PLEKHA7: variants seen among roughly 807,000 people sequenced by gnomAD.
PLEKHA7 encodes the protein pleckstrin homology domain containing A7, also known as pleckstrin homology domain-containing family A member 7.
Under a neutral mutation model 170.0 loss-of-function variants are expected in PLEKHA7, and 104 were observed. The ratio of observed to expected loss-of-function variants is 0.61; its 90% confidence interval spans 0.52 to 0.72. PLEKHA7 has a LOEUF of 0.72. PLEKHA7 is among the 30% of genes least tolerant of loss of function. The probability of loss-of-function intolerance (pLI) is 0.00; values close to 1 mark genes in which losing one functional copy is unlikely to be tolerated. For synonymous variants in PLEKHA7, 648 were observed against 660.8 expected (o/e 0.98, Z 0.30); for missense variants, 1,615 against 1,671.7 (o/e 0.97, Z 0.59).
chr11:16,805,746 C>T (rs905451574), intron 13 of PLEKHA7, among the ~76,000 whole-genome samples: 24 of 147,128 alleles, frequency 1.6e-4, no homozygotes, highest in African/African-American at 5.4e-4. Context: ...GTTGAGATTG[C>T]GCCACTGCAC....
At chr11:16,868,889 A>G (rs985872751) in intron 4 of PLEKHA7, among the ~76,000 whole-genome samples, 1 of 152,200 alleles carries the variant, frequency 6.6e-6, no homozygotes, top group Non-Finnish European at 1.5e-5. Context: ...TAAGAATGAG[A>G]GCAAAAGGAA....
chr11:16,829,377 G>A (rs1405840569), intron 9 of PLEKHA7, among the ~76,000 whole-genome samples: 1 of 152,080 alleles, frequency 6.6e-6, no homozygotes, highest in Non-Finnish European at 1.5e-5. Context: ...AAGGGGTCCT[G>A]CCTATTAATC....
chr11:16,852,442 A>G, intron 6 of PLEKHA7, 87 bp from the exon 7 acceptor site: 1 of 1,036,550 alleles, frequency 9.6e-7, no homozygotes, highest in East Asian at 2.5e-5. Context: ...CCAGAACCAA[A>G]TATTTGCCCA....
At position 16,789,313 on chromosome 11, in the gene PLEKHA7, A is replaced by G; in HGVS notation, c.3157-17T>C. 6.2e-7 allele frequency: 1 copy of G among 1,611,270 alleles called. No individual in the cohort carries two copies. The highest frequency in any genetic ancestry group is 8.5e-7 in the Non-Finnish European group (1 of 1,179,410). ...CTTAGGTCTCTGAGGAAGAGGAGGC[A>G]GGCAAGAGAGACACAGAACAGCTGG... On this transcript the variant is annotated splice_polypyrimidine_tract_variant and intron_variant, in intron 22 of 26. Coordinates refer to ENST00000531066, the MANE Select transcript of PLEKHA7 (RefSeq NM_001329630.2). The surrounding 1 kb of genome is among the most constrained non-coding windows in gnomAD (Gnocchi z 4.6).
intron 4 of PLEKHA7, among the ~76,000 whole-genome samples, chr11:16,859,236 C>A (rs562606640): frequency 6.6e-6 from 1 of 152,322 alleles, no homozygotes; most frequent in Admixed American, 6.5e-5. Context: ...CACACAGCTA[C>A]CCACTTGTCC....
intron 3 of PLEKHA7, among the ~76,000 whole-genome samples, chr11:16,893,789 G>C (rs1856828468): frequency 1.3e-5 from 2 of 152,166 alleles, no homozygotes; most frequent in Non-Finnish European, 2.9e-5. Flanking sequence ...CAGATCTGAG[G>C]GCCAGCAGTG....
At chr11:16,946,777 C>T (rs1342462932) in intron 3 of PLEKHA7, among the ~76,000 whole-genome samples, 1 of 152,112 alleles carries the variant, frequency 6.6e-6, no homozygotes, top group Non-Finnish European at 1.5e-5. Flanking sequence ...CTGTTAGACT[C>T]GGGCTCCAGC....
chr11:16,968,539 C>T (rs1309186123), intron 3 of PLEKHA7, among the ~76,000 whole-genome samples: 3 of 152,186 alleles, frequency 2.0e-5, no homozygotes, highest in Non-Finnish European at 2.9e-5. Context: ...GTGGTTCACC[C>T]CATGCCACAT....
intron 3 of PLEKHA7, among the ~76,000 whole-genome samples, chr11:16,979,357 C>T (rs926862362): frequency 1.3e-5 from 2 of 152,126 alleles, no homozygotes; most frequent in Non-Finnish European, 2.9e-5. Context: ...TCGAGTGCCT[C>T]AAGTCATTCC....
Position 16,848,891 on chromosome 11 carries a change from G to C in PLEKHA7, c.696+2300C>G, listed in dbSNP as rs185002931. 2.5e-3 allele frequency among the ~76,000 whole-genome samples: 382 copies of C among 152,274 alleles called. 1 individual carries two copies. The highest frequency in any genetic ancestry group is 3.9e-3 in the Non-Finnish European group (263 of 68,012). On this transcript the variant is annotated intron_variant, in intron 8 of 26. Transcript: ENST00000531066. ...ACCAACATCAAAGACAGGTGTCAAG[G>C]CCAATCACAAAACACTGTGTATTCC...
chr11:16,944,511 CA>C lies in PLEKHA7; in HGVS notation c.221+69477del, dbSNP rs1425866287. Among the ~76,000 whole-genome samples, 319 of 62,026 alleles carry C rather than the reference CA, an allele frequency of 5.1e-3. 1 individual carries two copies. The highest frequency in any genetic ancestry group is 0.014 in the South Asian group (24 of 1,752). The allele number at this position is 62,026 out of a possible 152,430, so 40.7% of individuals were successfully genotyped here. ...TGGGTAACAGTGTGAAACCCTGTCT[CA>C]AAAAAAAAAAAAAATTAAAGTTCTT... On this transcript the variant is annotated intron_variant, in intron 3 of 26. Coordinates refer to ENST00000531066, the MANE Select transcript of PLEKHA7 (RefSeq NM_001329630.2).
chr11:16,962,339 C>T (rs1862113507), intron 3 of PLEKHA7, among the ~76,000 whole-genome samples: 1 of 152,310 alleles, frequency 6.6e-6, no homozygotes, highest in East Asian at 1.9e-4. Context: ...TCTTGGCGAC[C>T]AGTCAATGAG....
intron 3 of PLEKHA7, among the ~76,000 whole-genome samples, chr11:16,946,739 T>C (rs1451717132): frequency 2.0e-5 from 3 of 152,092 alleles, no homozygotes; most frequent in African/African-American, 7.2e-5. Context: ...CAACTTGCTG[T>C]GGGTCTTAAT....
At position 16,991,689 on chromosome 11, in the gene PLEKHA7, G is replaced by A. The variant is rs573539309; in HGVS notation, c.221+22300C>T. ...GGGGTTGGAGAGGGGACAAGATGAC[G>A]TGGGCCTCATGGGCCACGAAGGATT... is the stretch of plus-strand genomic sequence containing the variant. On this transcript the variant is annotated intron_variant, in intron 3 of 26. Coordinates refer to ENST00000531066, the MANE Select transcript of PLEKHA7 (RefSeq NM_001329630.2). 7.2e-5 allele frequency among the ~76,000 whole-genome samples: 11 copies of A among 152,316 alleles called. No homozygotes were observed. In the South Asian group the frequency reaches 1.5e-3, roughly 20 times the overall value.
intron 3 of PLEKHA7, among the ~76,000 whole-genome samples, chr11:16,985,139 G>A (rs551355582): frequency 6.6e-6 from 1 of 152,366 alleles, no homozygotes; most frequent in African/African-American, 2.4e-5. Context: ...CCTTGAGGCA[G>A]ATGCCTCTGC....
chr11:16,825,132 C>G (rs543742867), intron 10 of PLEKHA7, among the ~76,000 whole-genome samples: 63 of 152,376 alleles, frequency 4.1e-4, no homozygotes, highest in African/African-American at 1.5e-3. Context: ...ACTCTCACAA[C>G]TGCCCAGCTG....
intron 3 of PLEKHA7, among the ~76,000 whole-genome samples, chr11:16,906,237 A>T (rs1857660528): frequency 1.5e-5 from 1 of 65,370 alleles, no homozygotes; most frequent in Non-Finnish European, 3.9e-5. Context: ...GAAGGAAGGA[A>T]GGAAGGAAGG....
intron 3 of PLEKHA7, among the ~76,000 whole-genome samples, chr11:16,936,157 C>G (rs1011993198): frequency 6.6e-6 from 1 of 151,812 alleles, no homozygotes; most frequent in African/African-American, 2.4e-5. Context: ...ATCCCAGCAC[C>G]TTGGGAGGCC....
Position 16,801,062 on chromosome 11 carries a change from G to A in PLEKHA7, c.2321C>T (p.Ala774Val). Residue 774 changes from alanine (A) to valine (V), a missense_variant, in exon 17 of 27, where the codon GCT becomes GTT. Transcript: ENST00000531066. ...CTCCAACTTCAGGTATTCGTTCCAA[G>A]CATTTTCCATCTCCTGTTGGCCAAG... ...LSRESTEMENAWNEYLKLEND... is the reference protein window; with the variant it reads ...LSRESTEMENVWNEYLKLEND... The A allele has an allele frequency of 6.2e-7, 1 of 1,614,208 alleles. No individual in the cohort carries two copies. Among genetic ancestry groups the A allele is most frequent in the Non-Finnish European group, 8.5e-7 (1 of 1,180,022 alleles).
Sources: gnomAD v4.1 joint callset for allele counts (sites outside exome capture counted in the v4.1 genomes callset) on GRCh38, gnomAD v4.1.1 for gene constraint, Gnocchi (gnomAD v3.1) non-coding constraint, MANE v1.5 for transcripts, NCBI Gene and HGNC (gene_info 2026-07-23, HGNC 2026-07-21) for gene names.